The following EMILIN1 variants were observed in gnomAD, a reference collection of about 807,000 sequenced individuals.
EMILIN1 encodes the protein EMILIN-1.
In EMILIN1, 49 loss-of-function variants were observed where a neutral mutation model predicts 82.4. That is an observed-to-expected ratio of 0.59 (90% confidence interval 0.47 to 0.75). The LOEUF is 0.75. EMILIN1 is among the 30% of genes least tolerant of loss of function. The pLI, the probability that EMILIN1 is intolerant of heterozygous loss-of-function variation, is 0.00. For missense variants in EMILIN1, 1,313 were observed against 1,366.4 expected, an observed-to-expected ratio of 0.96 and a Z score of 0.62; for synonymous variants, 604 against 602.2, an observed-to-expected ratio of 1.00 and a Z score of -0.04.
Position 27,083,931 on chromosome 2 carries a change from G to A in EMILIN1, c.2360G>A (p.Gly787Asp), listed in dbSNP as rs1243680176. 3.1e-6 allele frequency: 5 copies of A among 1,597,448 alleles called. No homozygotes were observed. The highest frequency in any genetic ancestry group is 4.3e-6 in the Non-Finnish European group (5 of 1,170,576). ...CTGGTCGGGGGACAGGCGGGCCTGG[G>A]CAGGCGGCTGGGTGCCCTTAACAGC... ...EKLVGGQAGL[G>D]RRLGALNSSL... The change falls in exon 4 of 8, where the codon GGC (glycine) becomes GAC (aspartate). Residue 787 changes from glycine (G) to aspartate (D), a missense_variant. Coordinates refer to ENST00000380320, the MANE Select transcript of EMILIN1 (RefSeq NM_007046.4).
At position 27,085,942 on chromosome 2, in the gene EMILIN1, C is replaced by G; in HGVS notation, c.2978C>G (p.Ala993Gly). ...VCVDLVMGQL[A>G]HSEEPLTIFS... is the part of the protein sequence containing the mutation. ...GTCGACCTGGTCATGGGGCAGCTGG[C>G]GCACTCGGAGGAGCCGCTCACCATC... The change falls in exon 8 of 8, where the codon GCG becomes GGG. Residue 993 changes from alanine to glycine, a missense_variant. Coordinates refer to ENST00000380320, the MANE Select transcript of EMILIN1 (RefSeq NM_007046.4). 1 of 1,525,552 alleles carries G rather than the reference C, an allele frequency of 6.6e-7. No homozygotes were observed. The highest frequency in any genetic ancestry group is 8.9e-7 in the Non-Finnish European group (1 of 1,128,554). The allele number at this position is 1,525,552 out of a possible 1,614,324, so 94.5% of individuals were successfully genotyped here.
At position 27,085,169 on chromosome 2, in the gene EMILIN1, G is replaced by T. The variant is rs1669580575; in HGVS notation, c.2585G>T (p.Gly862Val). The T allele has an allele frequency of 6.2e-7, 1 of 1,614,056 alleles. No individual in the cohort carries two copies. The highest frequency in any genetic ancestry group is 1.3e-5 in the African/African-American group (1 of 74,936). ...PGPQGEQGVE[G>V]APAAPVPQVA... is the part of the protein sequence containing the mutation. ...CACCCTTCCCACTCAGGAGTGGAGG[G>T]GGCACCAGCAGCCCCTGTGCCCCAA... Residue 862 changes from glycine (G) to valine (V), a missense_variant, in exon 7 of 8, where the codon GGG becomes GTG. Coordinates refer to ENST00000380320, the MANE Select transcript of EMILIN1 (RefSeq NM_007046.4).
In EMILIN1 at chr2:27,082,858, T is replaced by A. The variant is rs1378368650; in HGVS notation, c.1287T>A (p.Pro429=). ...CGGAGGAGCAGGAGGAGAGCTGGCC[T>A]GGGGCTCCTGGGGGGCTGAGCCACT... The part of the protein sequence containing the change: ...GPSEEQEESW[P]GAPGGLSHWL... The change falls in exon 4 of 8, where the codon CCT becomes CCA. Residue 429 remains proline (P), a synonymous_variant. Transcript: ENST00000380320. 1 of 1,585,340 alleles carries A rather than the reference T, an allele frequency of 6.3e-7. No homozygotes were observed. Among genetic ancestry groups the A allele is most frequent in the Non-Finnish European group, 8.5e-7 (1 of 1,174,064 alleles).
At chr2:27,084,767 A>G (rs1184844061) in intron 5 of EMILIN1, among the ~76,000 whole-genome samples, 1 of 152,188 alleles carries the variant, frequency 6.6e-6, no homozygotes, top group African/African-American at 2.4e-5. Context: ...GCAGTACTGG[A>G]GACTAAAGCT....
Position 27,082,822 on chromosome 2 carries a change from C to T in EMILIN1, c.1251C>T (p.Thr417=). 2 of 1,564,176 alleles carry T rather than the reference C, an allele frequency of 1.3e-6. No individual in the cohort carries two copies. The highest frequency in any genetic ancestry group is 8.6e-7 in the Non-Finnish European group (1 of 1,163,188). The stretch of plus-strand genomic sequence containing the variant: ...GCCTGGAGGACCGCTTCAACTCCAC[C>T]CTGGGCCCTTCGGAGGAGCAGGAGG... ...LSRLEDRFNS[T]LGPSEEQEES... Residue 417 remains threonine, a synonymous_variant, in exon 4 of 8, where the codon ACC becomes ACT. Transcript: ENST00000380320.
Position 27,085,058 on chromosome 2 carries a change from G to A in EMILIN1, c.2575+50G>A, listed in dbSNP as rs1174470437. On this transcript the variant is annotated intron_variant, in intron 6 of 7. Coordinates refer to ENST00000380320, the MANE Select transcript of EMILIN1 (RefSeq NM_007046.4). ...GAGGGAGAAGTGACTAGGGGTTGGA[G>A]GATAGAGGTCCTCGGGCAGCCCTGG... The A allele has an allele frequency of 2.5e-6, 4 of 1,612,876 alleles. No individual in the cohort carries two copies. In the African/African-American group the frequency reaches 4.0e-5, roughly 16 times the overall value.
Position 27,080,952 on chromosome 2 carries a change from G to C in EMILIN1, c.511G>C (p.Gly171Arg), listed in dbSNP as rs1209885152. 6.3e-7 allele frequency: 1 copy of C among 1,577,560 alleles called. No homozygotes were observed. The highest frequency in any genetic ancestry group is 2.3e-5 in the East Asian group (1 of 43,640). The change falls in exon 3 of 8, where the codon GGT becomes CGT. Residue 171 changes from glycine (G) to arginine (R), a missense_variant and splice_region_variant. Physicochemically the swap from Gly to Arg is moderately radical, Grantham distance 125. Coordinates refer to ENST00000380320, the MANE Select transcript of EMILIN1 (RefSeq NM_007046.4). Reference protein sequence around the residue: ...GSPLSGLGGEGPGESEKVQQL... With the variant: ...GSPLSGLGGERPGESEKVQQL... ...CCCCCTCAGTGGACTGGGGGGAGAAGGTGAGTGTGGGAGCTGCTGCGAGGG... is the reference window on the plus strand; with the variant it reads ...CCCCCTCAGTGGACTGGGGGGAGAACGTGAGTGTGGGAGCTGCTGCGAGGG...
At chr2:27,081,937 G>C in intron 3 of EMILIN1, 146 bp from the exon 4 acceptor site, 2 of 981,748 alleles carry the variant, frequency 2.0e-6, no homozygotes, top group Non-Finnish European at 2.9e-6. Flanking sequence ...TCAGTGAATG[G>C]AGTTTCTTTT....
chr2:27,085,326 G>A (rs1206751265), intron 7 of EMILIN1, 29 bp downstream of exon 7: 7 of 1,613,290 alleles, frequency 4.3e-6, no homozygotes, highest in African/African-American at 1.3e-5. Flanking sequence ...GGGTTGAACG[G>A]TTGGAGAAAT....
Position 27,079,058 on chromosome 2 carries a change from G to T in EMILIN1, c.-8G>T, listed in dbSNP as rs372278471. On this transcript the variant is annotated 5_prime_UTR_variant, in exon 1 of 8. Transcript: ENST00000380320. ...GAGTCTCTGAGGGCCACTGTGGAGC[G>T]CCCCGCCATGGCCCCCCGCACCCTC... 13 of 1,543,366 alleles carry T rather than the reference G, an allele frequency of 8.4e-6. No homozygotes were observed. Among genetic ancestry groups the T allele is most frequent in the Non-Finnish European group, 1.1e-5 (13 of 1,150,626 alleles).
rs976135721 is a variant in EMILIN1 at position 27,083,177 on chromosome 2, C to T, written c.1606C>T (p.Gln536Ter). 1.9e-6 allele frequency: 3 copies of T among 1,610,698 alleles called. No homozygotes were observed. The highest frequency in any genetic ancestry group is 1.3e-5 in the African/African-American group (1 of 74,978). Residue 536 changes from glutamine to a stop codon, truncating the protein, a stop_gained, in exon 4 of 8, where the codon CAA becomes TAA. Coordinates refer to ENST00000380320, the MANE Select transcript of EMILIN1 (RefSeq NM_007046.4). LOFTEE classifies it high-confidence loss of function. ...CCGGCAGGCCACGCTGGAGGGATTA[C>T]AAGAGGTTGTGGGCCGGCTCCAGGA... is the stretch of plus-strand genomic sequence containing the variant. The part of the protein sequence containing the change: ...EARQATLEGL[Q>*]EVVGRLQDRV...
At chr2:27,081,218 A>G (rs1669471119) in intron 3 of EMILIN1, among the ~76,000 whole-genome samples, 1 of 152,068 alleles carries the variant, frequency 6.6e-6, no homozygotes, top group South Asian at 2.1e-4. Flanking sequence ...AAAGAAGGCC[A>G]AAAAAGAGAA....
intron 5 of EMILIN1, 49 bp from the exon 6 acceptor site, chr2:27,084,942 T>G (rs772006280): frequency 3.8e-6 from 6 of 1,589,252 alleles, no homozygotes; most frequent in Non-Finnish European, 5.2e-6. Context: ...GCTGAGTGAC[T>G]TAGTGAGAGC....
At position 27,086,105 on chromosome 2, in the gene EMILIN1, C is replaced by A; in HGVS notation, c.*90C>A. On this transcript the variant is annotated 3_prime_UTR_variant, in exon 8 of 8. Coordinates refer to ENST00000380320, the MANE Select transcript of EMILIN1 (RefSeq NM_007046.4). ...GTCTCGCCTGAGACGGGGCACCTAG[C>A]CCTGGGCGAGCGCCGCACCCGGGCC... 9.7e-7 allele frequency: 1 copy of A among 1,025,840 alleles called. No homozygotes were observed. Among genetic ancestry groups the A allele is most frequent in the Non-Finnish European group, 1.3e-6 (1 of 776,458 alleles). The allele number at this position is 1,025,840 out of a possible 1,614,324, so 63.5% of individuals were successfully genotyped here.
rs1468810094 is a variant in EMILIN1, at chr2:27,083,496, C to T, written c.1925C>T (p.Ala642Val). 1 of 1,613,658 alleles carries T rather than the reference C, an allele frequency of 6.2e-7. No homozygotes were observed. Among genetic ancestry groups the T allele is most frequent in the South Asian group, 1.1e-5 (1 of 91,066 alleles). ...GGCAGCTCAGGCTCAGCCCTGCAGG[C>T]CCTGCAAGGAGAGCTCTCTGAGGTT... ...FGGSSGSALQ[A>V]LQGELSEVIL... Residue 642 changes from alanine (A) to valine (V), a missense_variant, in exon 4 of 8, where the codon GCC becomes GTC. Physicochemically the swap from Ala to Val is moderately conservative, Grantham distance 64 (BLOSUM62 0). Coordinates refer to ENST00000380320, the MANE Select transcript of EMILIN1 (RefSeq NM_007046.4).
At chr2:27,081,491 A>G (rs1376544309) in intron 3 of EMILIN1, among the ~76,000 whole-genome samples, 1 of 152,016 alleles carries the variant, frequency 6.6e-6, no homozygotes, top group Non-Finnish European at 1.5e-5. Flanking sequence ...TAGCCTTACT[A>G]TAATTATGCA....
At position 27,080,749 on chromosome 2, in the gene EMILIN1, G is replaced by A. The variant is rs775351506; in HGVS notation, c.308G>A (p.Arg103His). 3.7e-6 allele frequency: 6 copies of A among 1,613,272 alleles called. No homozygotes were observed. In the East Asian group the frequency reaches 6.7e-5, roughly 18 times the overall value. Residue 103 changes from arginine (R) to histidine (H), a missense_variant, in exon 3 of 8, where the codon CGC becomes CAC. Arg to His is a conservative substitution (Grantham distance 29). Coordinates refer to ENST00000380320, the MANE Select transcript of EMILIN1 (RefSeq NM_007046.4). Reference sequence around the variant, plus strand: ...TCTGCCAGGTACCGCCGCTTCCTCCGCCCTCGCTACCGTGTGGCCTACAAG... The same window carrying A: ...TCTGCCAGGTACCGCCGCTTCCTCCACCCTCGCTACCGTGTGGCCTACAAG... Reference protein sequence around the residue: ...PQSIMYRRFLRPRYRVAYKTV... With the variant: ...PQSIMYRRFLHPRYRVAYKTV...
intron 2 of EMILIN1, among the ~76,000 whole-genome samples, chr2:27,080,485 G>A (rs984959695): frequency 9.8e-5 from 15 of 152,296 alleles, no homozygotes; most frequent in African/African-American, 3.4e-4. Flanking sequence ...CCTTCTCTGG[G>A]ATGGCTCAGG....
Position 27,080,772 on chromosome 2 carries a change from A to G in EMILIN1, c.331A>G (p.Lys111Glu). 2 of 1,613,880 alleles carry G rather than the reference A, an allele frequency of 1.2e-6. No homozygotes were observed. Among genetic ancestry groups the G allele is most frequent in the Middle Eastern group, 1.6e-4 (1 of 6,062 alleles). ...FLRPRYRVAY[K>E]TVTDMEWRCC... ...CCGCCCTCGCTACCGTGTGGCCTAC[A>G]AGACAGTGACCGACATGGAGTGGAG... The change falls in exon 3 of 8, where the codon AAG becomes GAG. Residue 111 changes from lysine (K) to glutamate (E), a missense_variant. Transcript: ENST00000380320.
Sources: gnomAD v4.1 joint callset for allele counts (sites outside exome capture counted in the v4.1 genomes callset) on GRCh38, gnomAD v4.1.1 for gene constraint, MANE v1.5 for transcripts, NCBI Gene and HGNC (gene_info 2026-07-23, HGNC 2026-07-21) for gene names.